OTUD7A: variants seen among roughly 807,000 people sequenced by gnomAD.
OTUD7A encodes OTU deubiquitinase 7A.
OTUD7A carries 12 observed loss-of-function variants against 65.7 expected under a neutral mutation model. The observed-to-expected ratio is 0.18, with a 90% confidence interval of 0.12 to 0.30. The LOEUF (loss-of-function observed/expected upper bound fraction) is 0.30, where lower values mean the gene tolerates loss of function less well. Among genes scored for constraint, OTUD7A ranks in the 10% least tolerant of loss-of-function variants. OTUD7A has a pLI of 1.00. For missense variants in OTUD7A, 1,148 were observed against 1,304.8 expected (o/e 0.88, Z 1.85); for synonymous variants, 641 against 586.3 (o/e 1.09, Z -1.35).
intron 3 of OTUD7A, among the ~76,000 whole-genome samples, chr15:31,626,891 T>G (rs1282530033): frequency 6.7e-6 from 1 of 149,360 alleles, no homozygotes; most frequent in Non-Finnish European, 1.5e-5. Flanking sequence ...TTGTTTTTTT[T>G]TTGTTTTGTT....
At chr15:31,770,865 T>A (rs1161226340) in intron 1 of OTUD7A, among the ~76,000 whole-genome samples, 2 of 152,270 alleles carry the variant, frequency 1.3e-5, no homozygotes, top group South Asian at 2.1e-4. Flanking sequence ...CTATTCATGA[T>A]AAAAAATTCT....
chr15:31,652,095 G>T (rs1215033867), intron 3 of OTUD7A, among the ~76,000 whole-genome samples: 5 of 150,718 alleles, frequency 3.3e-5, no homozygotes, highest in Non-Finnish European at 7.4e-5. Flanking sequence ...TCATTACAAA[G>T]CTACAGAAAT....
At chr15:31,583,661 A>T (rs552892890) in intron 3 of OTUD7A, among the ~76,000 whole-genome samples, 1 of 151,780 alleles carries the variant, frequency 6.6e-6, no homozygotes, top group South Asian at 2.1e-4. Flanking sequence ...TTTGCCTTCC[A>T]CCATGATTGT....
At position 31,484,784 on chromosome 15, in the gene OTUD7A, C is replaced by T. The variant is rs868071115; in HGVS notation, c.1372-60G>A. On this transcript the variant is annotated intron_variant, in intron 12 of 12. Transcript: ENST00000307050. The surrounding 1 kb of genome is among the most constrained non-coding windows in gnomAD (Gnocchi z 4.5). ...TAGAGAAGAGCTGTCCACGCGCCAG[C>T]GAGGAAGACACACCTTGCCCCTGTG... The T allele has an allele frequency of 6.5e-6, 10 of 1,547,200 alleles. No individual in the cohort carries two copies. Among genetic ancestry groups the T allele is most frequent in the African/African-American group, 1.4e-5 (1 of 74,044 alleles).
chr15:31,549,278 T>C (rs1276473048), intron 5 of OTUD7A, among the ~76,000 whole-genome samples: 1 of 151,932 alleles, frequency 6.6e-6, no homozygotes, highest in East Asian at 1.9e-4. Flanking sequence ...GACCACAACA[T>C]ATTCAGTATG....
intron 10 of OTUD7A, among the ~76,000 whole-genome samples, chr15:31,492,582 CAAAAAAAAA>C (rs60414638): frequency 8.2e-6 from 1 of 121,660 alleles, no homozygotes; most frequent in Non-Finnish European, 1.8e-5. Context: ...GACTCTGTCT[CAAAAAAAAA>C]AAAAAAAACA....
chr15:31,819,162 T>C (rs1386410741), intron 1 of OTUD7A, among the ~76,000 whole-genome samples: 2 of 152,186 alleles, frequency 1.3e-5, no homozygotes, highest in African/African-American at 4.8e-5. Context: ...GAAAACCACA[T>C]TTTAAAAGCA....
chr15:31,855,615 G>A (rs934214759), intron 1 of OTUD7A, among the ~76,000 whole-genome samples: 8 of 152,164 alleles, frequency 5.3e-5, no homozygotes, highest in African/African-American at 1.9e-4. Context: ...ATAAGTAACT[G>A]TGGAAACAAG....
intron 12 of OTUD7A, among the ~76,000 whole-genome samples, chr15:31,486,640 G>A (rs945072347): frequency 5.3e-5 from 8 of 152,012 alleles, no homozygotes; most frequent in African/African-American, 1.9e-4. Flanking sequence ...CTCATGGGGC[G>A]TAGGCCCCTC....
At chr15:31,762,974 G>T (rs888348272) in intron 1 of OTUD7A, among the ~76,000 whole-genome samples, 2 of 152,098 alleles carry the variant, frequency 1.3e-5, no homozygotes, top group Admixed American at 1.3e-4. Flanking sequence ...CAAGACGTAA[G>T]AATAAACAAA....
At chr15:31,598,752 A>T (rs1053618658) in intron 3 of OTUD7A, among the ~76,000 whole-genome samples, 5 of 152,162 alleles carry the variant, frequency 3.3e-5, no homozygotes, top group Non-Finnish European at 5.9e-5. Context: ...ACTAAGATGC[A>T]CTGGCTTGAA....
intron 1 of OTUD7A, among the ~76,000 whole-genome samples, chr15:31,730,255 G>T (rs1894004103): frequency 6.6e-6 from 1 of 152,166 alleles, no homozygotes; most frequent in Non-Finnish European, 1.5e-5. Flanking sequence ...AATGTCTGTT[G>T]TTTAAGCCAC....
At chr15:31,734,887 A>C (rs536471733) in intron 1 of OTUD7A, among the ~76,000 whole-genome samples, 1 of 152,248 alleles carries the variant, frequency 6.6e-6, no homozygotes, top group East Asian at 1.9e-4. Flanking sequence ...ATTGCAACAA[A>C]AGCAAAAATT....
chr15:31,843,337 A>G (rs1326711887), intron 1 of OTUD7A, among the ~76,000 whole-genome samples: 1 of 151,880 alleles, frequency 6.6e-6, no homozygotes, highest in African/African-American at 2.4e-5. Context: ...TCTCCAAAAA[A>G]AAAAAAAAAA....
intron 1 of OTUD7A, among the ~76,000 whole-genome samples, chr15:31,770,033 C>T (rs1161480968): frequency 6.6e-6 from 1 of 152,018 alleles, no homozygotes. Flanking sequence ...AGCTAAGCAT[C>T]CACCTTAAGA....
chr15:31,623,158 G>T (rs988513483), intron 3 of OTUD7A, among the ~76,000 whole-genome samples: 2 of 152,232 alleles, frequency 1.3e-5, no homozygotes, highest in African/African-American at 2.4e-5. Context: ...GCCGTGTGAG[G>T]TGTCAGTCTG....
At chr15:31,779,556 G>A (rs1227501109) in intron 1 of OTUD7A, among the ~76,000 whole-genome samples, 1 of 152,202 alleles carries the variant, frequency 6.6e-6, no homozygotes, top group Non-Finnish European at 1.5e-5. Context: ...AAAGAAGCAG[G>A]TAGAAGAAGA....
chr15:31,633,031 C>A (rs1891227474), intron 3 of OTUD7A, among the ~76,000 whole-genome samples: 1 of 152,202 alleles, frequency 6.6e-6, no homozygotes, highest in Non-Finnish European at 1.5e-5. Flanking sequence ...TCACCCCTTT[C>A]TTTGACTAGG....
intron 1 of OTUD7A, among the ~76,000 whole-genome samples, chr15:31,755,003 CAGAGAGAGAG>C (rs141398720): frequency 2.2e-4 from 32 of 147,428 alleles, no homozygotes; most frequent in Non-Finnish European, 1.5e-4. Flanking sequence ...GTGAGAGAGA[CAGAGAGAGAG>C]AGAGAGATGG....
Sources: allele counts gnomAD v4.1 joint callset (sites outside exome capture counted in the v4.1 genomes callset), GRCh38; gene constraint gnomAD v4.1.1; non-coding constraint Gnocchi (gnomAD v3.1); transcripts MANE v1.5; gene names NCBI Gene and HGNC (gene_info 2026-07-23, HGNC 2026-07-21).